Variants in ARL6IP6 observed in about 807,000 individuals in gnomAD.
The protein encoded by ARL6IP6 is ARF like GTPase 6 interacting protein 6.
ARL6IP6 carries 22 observed loss-of-function variants against 21.5 expected under a neutral mutation model. That is an observed-to-expected ratio of 1.02 (90% confidence interval 0.73 to 1.46). The LOEUF is 1.46. ARL6IP6 is among the 40% of genes most tolerant of loss of function. ARL6IP6 has a pLI of 0.00. For missense variants in ARL6IP6, 388 were observed against 299.8 expected (o/e 1.29, Z -2.17); for synonymous variants, 164 against 125.3 (o/e 1.31, Z -2.06).
intron 1 of ARL6IP6, chr2:152,719,972 C>T: frequency 7.3e-6 from 2 of 272,716 alleles, no homozygotes; most frequent in South Asian, 4.0e-5. Flanking sequence ...ACACTTTGGC[C>T]AGTTGATGTG....
Position 152,731,172 on chromosome 2 carries a change from A to G in ARL6IP6, c.455-3822A>G, listed in dbSNP as rs561941510. On this transcript the variant is annotated intron_variant, in intron 2 of 3. Coordinates refer to ENST00000326446, the MANE Select transcript of ARL6IP6 (RefSeq NM_152522.7). ...GCAATGTAAAGTAGAAAAACAGGCT[A>G]TTTCTTCTTTCTGCTTTGCCACATC... 5.3e-5 allele frequency among the ~76,000 whole-genome samples: 8 copies of G among 152,204 alleles called. No individual in the cohort carries two copies. In the South Asian group the frequency reaches 1.5e-3, roughly 28 times the overall value.
chr2:152,747,804 C>T (rs1419588679), intron 3 of ARL6IP6, among the ~76,000 whole-genome samples: 1 of 152,098 alleles, frequency 6.6e-6, no homozygotes, highest in East Asian at 1.9e-4. Context: ...CTCCTGGCTT[C>T]AAGTGATCCA....
intron 3 of ARL6IP6, among the ~76,000 whole-genome samples, chr2:152,749,711 C>T (rs927461748): frequency 1.3e-5 from 2 of 152,284 alleles, no homozygotes; most frequent in Non-Finnish European, 2.9e-5. Context: ...AAGGCTGGCA[C>T]TCAGACCCGT....
chr2:152,723,117 C>G (rs938877255), intron 2 of ARL6IP6, among the ~76,000 whole-genome samples: 9 of 152,152 alleles, frequency 5.9e-5, no homozygotes, highest in Admixed American at 2.6e-4. Flanking sequence ...TCTAAATCAA[C>G]GCTGAGTTGA....
chr2:152,718,588 A>T, upstream of ARL6IP6: 1 of 1,496,500 alleles, frequency 6.7e-7, no homozygotes, highest in East Asian at 2.4e-5. Flanking sequence ...CAGGTGGGAG[A>T]GGCTCGTTCT....
At chr2:152,729,769 ATTT>A (rs903927263) in intron 2 of ARL6IP6, among the ~76,000 whole-genome samples, 49 of 152,348 alleles carry the variant, frequency 3.2e-4, no homozygotes, top group African/African-American at 1.2e-3. Flanking sequence ...TATGTATATA[ATTT>A]TTGGAAAGAT....
rs62179639 is a variant in ARL6IP6 at position 152,727,569 on chromosome 2, C to A, written c.454+6983C>A. On this transcript the variant is annotated intron_variant, in intron 2 of 3. Transcript: ENST00000326446. ...AGAGCAACTCTTTGTCCTGTAAGCTCCATTCATTGTAAGTACCCTATACAG... is the reference window on the plus strand; with the variant it reads ...AGAGCAACTCTTTGTCCTGTAAGCTACATTCATTGTAAGTACCCTATACAG... Among the ~76,000 whole-genome samples the A allele has an allele frequency of 9.2e-3, 1,403 of 152,268 alleles. 14 individuals carry two copies. Among genetic ancestry groups the A allele is most frequent in the Non-Finnish European group, 0.013 (914 of 68,014 alleles).
chr2:152,732,147 A>G (rs1469628453), intron 2 of ARL6IP6, among the ~76,000 whole-genome samples: 1 of 151,738 alleles, frequency 6.6e-6, no homozygotes. Flanking sequence ...ATACAAAGGT[A>G]TATATATATA....
intron 3 of ARL6IP6, among the ~76,000 whole-genome samples, chr2:152,755,528 GTC>G (rs891066895): frequency 6.6e-6 from 1 of 152,138 alleles, no homozygotes; most frequent in Non-Finnish European, 1.5e-5. Flanking sequence ...AGTACTAAAA[GTC>G]TCTGATATGC....
At chr2:152,720,701 G>A (rs1699748577) in intron 2 of ARL6IP6, 115 bp downstream of exon 2, 3 of 956,466 alleles carry the variant, frequency 3.1e-6, no homozygotes, top group Non-Finnish European at 3.2e-6. Context: ...CAGTCATTCA[G>A]TCTTGTTTTT....
chr2:152,759,150 T>C (rs371148879), intron 3 of ARL6IP6, among the ~76,000 whole-genome samples: 1 of 152,188 alleles, frequency 6.6e-6, no homozygotes, highest in African/African-American at 2.4e-5. Flanking sequence ...ATAAGAGTTA[T>C]TAAACTAGTT....
At chr2:152,720,170 C>T (rs1007230072) in intron 1 of ARL6IP6, 7 of 327,698 alleles carry the variant, frequency 2.1e-5, no homozygotes, top group African/African-American at 1.5e-4. Flanking sequence ...GCCTTTGTAT[C>T]ATAAAGTCAC....
Position 152,735,143 on chromosome 2 carries a change from C to G in ARL6IP6, c.587+17C>G. 2 of 1,611,946 alleles carry G rather than the reference C, an allele frequency of 1.2e-6. No individual in the cohort carries two copies. The highest frequency in any genetic ancestry group is 1.7e-6 in the Non-Finnish European group (2 of 1,178,826). The stretch of plus-strand genomic sequence containing the variant: ...CAGGTTCAAGTAAGTATTCCTGTTT[C>G]CTGTTTCTTTTTTAAATGCATTTCA... On this transcript the variant is annotated intron_variant, in intron 3 of 3. Transcript: ENST00000326446.
chr2:152,737,209 A>G (rs1700593035), intron 3 of ARL6IP6, among the ~76,000 whole-genome samples: 2 of 152,018 alleles, frequency 1.3e-5, no homozygotes, highest in African/African-American at 2.4e-5. Flanking sequence ...AAACTATGCA[A>G]TTTTGAGAAG....
chr2:152,759,989 G>T lies in ARL6IP6; in HGVS notation c.*149G>T, dbSNP rs950592441. 3.5e-5 allele frequency: 22 copies of T among 629,078 alleles called. No individual in the cohort carries two copies. The highest frequency in any genetic ancestry group is 6.1e-5 in the Non-Finnish European group (22 of 362,388). 39.0% of individuals were successfully genotyped at this position (629,078 alleles called of 1,614,324 possible). On this transcript the variant is annotated 3_prime_UTR_variant, in exon 4 of 4. Coordinates refer to ENST00000326446, the MANE Select transcript of ARL6IP6 (RefSeq NM_152522.7). ...TATCACAATCATCCTCATTATGGAA[G>T]ACCTTTTAAAGCATTGTTTTAGAAT... is the stretch of plus-strand genomic sequence containing the variant.
At chr2:152,724,686 T>A (rs1559223854) in intron 2 of ARL6IP6, among the ~76,000 whole-genome samples, 1 of 152,208 alleles carries the variant, frequency 6.6e-6, no homozygotes, top group Non-Finnish European at 1.5e-5. Context: ...TTTCTTAGGC[T>A]AATGAAGTCA....
chr2:152,743,575 A>C (rs997117500), intron 3 of ARL6IP6, among the ~76,000 whole-genome samples: 4 of 152,184 alleles, frequency 2.6e-5, no homozygotes, highest in Non-Finnish European at 2.9e-5. Context: ...CCTAGCATGT[A>C]ATGATTTCCG....
intron 2 of ARL6IP6, among the ~76,000 whole-genome samples, chr2:152,723,298 G>A (rs1699879281): frequency 6.6e-6 from 1 of 152,178 alleles, no homozygotes; most frequent in Non-Finnish European, 1.5e-5. Flanking sequence ...AAAGTACCAT[G>A]CAGCCTTTTA....
intron 3 of ARL6IP6, among the ~76,000 whole-genome samples, chr2:152,736,280 C>T (rs977014786): frequency 5.3e-5 from 8 of 152,000 alleles, no homozygotes; most frequent in Admixed American, 2.6e-4. Flanking sequence ...TAATGAGACT[C>T]GTTTCAAAAA....
Sources: gnomAD v4.1 joint callset for allele counts (sites outside exome capture counted in the v4.1 genomes callset) on GRCh38, gnomAD v4.1.1 for gene constraint, MANE v1.5 for transcripts, NCBI Gene and HGNC (gene_info 2026-07-23, HGNC 2026-07-21) for gene names.